ROBO2: variants seen among roughly 807,000 people sequenced by gnomAD.
ROBO2 encodes the protein roundabout guidance receptor 2.
In ROBO2, 53 loss-of-function variants were observed where a neutral mutation model predicts 160.8. That is an observed-to-expected ratio of 0.33 (90% CI 0.26 to 0.41). The LOEUF (loss-of-function observed/expected upper bound fraction) is 0.41, where lower values mean the gene tolerates loss of function less well. Among genes scored for constraint, ROBO2 ranks in the 10% least tolerant of loss-of-function variants. The pLI, the probability that ROBO2 is intolerant of heterozygous loss-of-function variation, is 1.00. For synonymous variants in ROBO2, 664 were observed against 611.7 expected (o/e 1.09, Z -1.26); for missense variants, 1,577 against 1,722.4 (o/e 0.92, Z 1.49).
At chr3:76,206,512 C>T (rs138428108) in intron 2 of ROBO2, among the ~76,000 whole-genome samples, 176 of 150,804 alleles carry the variant, frequency 1.2e-3, no homozygotes, top group Middle Eastern at 3.4e-3. Flanking sequence ...TAGACACTCA[C>T]ATGTGTTAAA....
Position 76,338,266 on chromosome 3 carries a change from G to T in ROBO2, c.109+400664G>T, listed in dbSNP as rs535630786. On this transcript the variant is annotated intron_variant, in intron 2 of 26. Transcript: ENST00000487694. ...TCACATGTTTCTACCAAGCTGACCT[G>T]AATATCTTTCTATACCCCTGCAATA... Among the ~76,000 whole-genome samples, 35 of 152,208 alleles carry T rather than the reference G, an allele frequency of 2.3e-4. No individual in the cohort carries two copies. In the South Asian group the frequency reaches 6.8e-3, roughly 30 times the overall value.
At chr3:77,482,689 A>T (rs148453609) in intron 4 of ROBO2, among the ~76,000 whole-genome samples, 1 of 152,282 alleles carries the variant, frequency 6.6e-6, no homozygotes, top group East Asian at 1.9e-4. Context: ...AGTCCTCTAT[A>T]AGAGTCTCAA....
chr3:77,003,386 G>A (rs922815092), intron 2 of ROBO2, among the ~76,000 whole-genome samples: 2 of 152,182 alleles, frequency 1.3e-5, no homozygotes, highest in Admixed American at 1.3e-4. Flanking sequence ...GGCTAAAGAA[G>A]ATAGTACATA....
At chr3:76,362,262 G>C (rs940201492) in intron 2 of ROBO2, among the ~76,000 whole-genome samples, 12 of 152,038 alleles carry the variant, frequency 7.9e-5, no homozygotes, top group African/African-American at 2.7e-4. Context: ...TCCTCGGGAA[G>C]CTGAGGTGGG....
At chr3:77,486,021 A>G (rs2085309251) in intron 4 of ROBO2, among the ~76,000 whole-genome samples, 1 of 152,184 alleles carries the variant, frequency 6.6e-6, no homozygotes, top group Admixed American at 6.5e-5. Flanking sequence ...TATAAGTAAG[A>G]ACACGCAGTG....
intron 2 of ROBO2, among the ~76,000 whole-genome samples, chr3:76,501,868 A>G (rs965378351): frequency 5.8e-4 from 89 of 152,256 alleles, no homozygotes; most frequent in Admixed American, 5.6e-3. Flanking sequence ...GCCTTTTTAC[A>G]TGTACGCTGT....
In ROBO2 at chr3:77,477,363, G is replaced by A. The variant is rs370042805; in HGVS notation, c.389-51G>A. 3.2e-5 allele frequency: 51 copies of A among 1,587,294 alleles called. No homozygotes were observed. The Middle Eastern group carries it at 1.1e-3, about 34-fold the overall frequency. ...TTGAAGTTACCTTGTACAACAAAAAGCCTAAGTTACTGTCGTTGAGTTTTC... is the reference window on the plus strand; with the variant it reads ...TTGAAGTTACCTTGTACAACAAAAAACCTAAGTTACTGTCGTTGAGTTTTC... On this transcript the variant is annotated intron_variant, in intron 2 of 25. Coordinates refer to ENST00000461745, the Ensembl canonical transcript of ROBO2.
At chr3:77,289,021 T>C (rs1016721170) in intron 2 of ROBO2, among the ~76,000 whole-genome samples, 1 of 152,180 alleles carries the variant, frequency 6.6e-6, no homozygotes, top group South Asian at 2.1e-4. Flanking sequence ...TTGGTGAGTT[T>C]TGTTTCTGTG....
At chr3:77,230,085 C>T (rs903733883) in intron 2 of ROBO2, among the ~76,000 whole-genome samples, 1 of 151,592 alleles carries the variant, frequency 6.6e-6, no homozygotes, top group Non-Finnish European at 1.5e-5. Context: ...TTGAATCACC[C>T]ATGCTAGACA....
intron 1 of ROBO2, among the ~76,000 whole-genome samples, chr3:77,051,351 C>T (rs2065211794): frequency 6.6e-6 from 1 of 152,172 alleles, no homozygotes; most frequent in Non-Finnish European, 1.5e-5. Flanking sequence ...TCCCTGTACA[C>T]ATGGCAATAA....
At chr3:76,725,092 T>C (rs2093529134) in intron 2 of ROBO2, among the ~76,000 whole-genome samples, 1 of 152,158 alleles carries the variant, frequency 6.6e-6, no homozygotes, top group Admixed American at 6.5e-5. Context: ...TCCGTAACTG[T>C]GAGAAAATAA....
rs147133130 is a variant in ROBO2, at chr3:76,995,824, T to C, written c.110-102190T>C. On this transcript the variant is annotated intron_variant, in intron 2 of 26. Transcript: ENST00000487694. Reference sequence around the variant, plus strand: ...TTTGTTTTTTTCTTGTAAATTTGTTTGAGTGCATTGTAGATTCTGGGTATT... The same window carrying C: ...TTTGTTTTTTTCTTGTAAATTTGTTCGAGTGCATTGTAGATTCTGGGTATT... 5.4e-3 allele frequency among the ~76,000 whole-genome samples: 822 copies of C among 152,332 alleles called. 12 individuals are homozygous for C. Among genetic ancestry groups the C allele is most frequent in the African/African-American group, 0.018 (751 of 41,566 alleles).
rs539603343 is a variant in ROBO2, at chr3:77,140,188, G to A, written c.388+41848G>A. Among the ~76,000 whole-genome samples, 8 of 152,236 alleles carry A rather than the reference G, an allele frequency of 5.3e-5. No homozygotes were observed. In the South Asian group the frequency reaches 1.5e-3, roughly 28 times the overall value. On this transcript the variant is annotated intron_variant, in intron 2 of 25. Coordinates refer to ENST00000461745, the Ensembl canonical transcript of ROBO2. ...AACATGACCTCGTAGTGCCTTAGAC[G>A]GAAAGACTTTAGTTTTATTGTGGCG... is the stretch of plus-strand genomic sequence containing the variant.
chr3:77,603,046 G>A, intron 20 of ROBO2: 1 of 456,716 alleles, frequency 2.2e-6, no homozygotes. Flanking sequence ...TCAGAAAGGA[G>A]TGGCAGTCTC....
chr3:76,210,751 A>T (rs573515098), intron 2 of ROBO2, among the ~76,000 whole-genome samples: 1 of 152,132 alleles, frequency 6.6e-6, no homozygotes, highest in Non-Finnish European at 1.5e-5. Context: ...TAAAGTATCT[A>T]ATCATGCAAG....
chr3:77,391,710 A>G (rs1449338570), intron 2 of ROBO2, among the ~76,000 whole-genome samples: 1 of 151,788 alleles, frequency 6.6e-6, no homozygotes, highest in East Asian at 2.0e-4. Flanking sequence ...CTCATGAAAA[A>G]CACCAGATAA....
At chr3:76,353,650 C>T (rs895302754) in intron 2 of ROBO2, among the ~76,000 whole-genome samples, 1 of 151,878 alleles carries the variant, frequency 6.6e-6, no homozygotes. Flanking sequence ...ATGTTTTTCT[C>T]AAACATGGAA....
chr3:76,405,047 A>T (rs9810018), intron 2 of ROBO2, among the ~76,000 whole-genome samples: 9,474 of 151,642 alleles, frequency 0.062, 852 homozygotes, highest in African/African-American at 0.2. Flanking sequence ...AACTTTGGAC[A>T]ATGGCATGTG....
intron 24 of ROBO2, among the ~76,000 whole-genome samples, chr3:77,640,303 C>T (rs2153722053): frequency 6.6e-6 from 1 of 152,008 alleles, no homozygotes; most frequent in East Asian, 1.9e-4. Context: ...TTAGTAGAGA[C>T]GGGGTTTCAC....
Sources: gnomAD v4.1 joint callset for allele counts (sites outside exome capture counted in the v4.1 genomes callset) on GRCh38, gnomAD v4.1.1 for gene constraint, MANE v1.5 for transcripts, NCBI Gene and HGNC (gene_info 2026-07-23, HGNC 2026-07-21) for gene names.